Variants in SLIT2 observed in about 807,000 individuals in gnomAD.
SLIT2 encodes slit guidance ligand 2, also known as slit homolog 2 protein.
A neutral mutation model predicts 185.7 loss-of-function variants in SLIT2; 41 were observed. That is an observed-to-expected ratio of 0.22 (90% CI 0.17 to 0.29). The LOEUF is 0.29. Ranked by LOEUF, SLIT2 falls within the 10% of genes least tolerant of loss-of-function variation. SLIT2 has a pLI of 1.00. For missense variants in SLIT2, 1,571 were observed against 1,909.0 expected, an observed-to-expected ratio of 0.82 and a Z score of 3.30; for synonymous variants, 693 against 680.2, an observed-to-expected ratio of 1.02 and a Z score of -0.29.
intron 34 of SLIT2, among the ~76,000 whole-genome samples, chr4:20,611,612 C>T (rs1729228019): frequency 6.6e-6 from 1 of 152,162 alleles, no homozygotes; most frequent in African/African-American, 2.4e-5. Context: ...CCAAATCTTC[C>T]ATTCTTGCCA....
At chr4:20,490,493 C>T (rs7694371) in intron 8 of SLIT2, among the ~76,000 whole-genome samples, 36,400 of 151,820 alleles carry the variant, frequency 0.24, 5,140 homozygotes, top group African/African-American at 0.4. Context: ...GCTTCAGCTT[C>T]AGAAGTATCT....
chr4:20,291,484 ATATATATATTTTTTTTTTTTTTTTTTT>A (rs1231960218), intron 4 of SLIT2, among the ~76,000 whole-genome samples: 175 of 10,440 alleles, frequency 0.017, no homozygotes, highest in Middle Eastern at 0.071. Context: ...ATATATATAT[ATATATATATTTTTTTTTTTTTTTTTTT>A]TTTTTTTTTT....
At chr4:20,573,210 C>T (rs1402290042) in intron 29 of SLIT2, 1 of 702,910 alleles carries the variant, frequency 1.4e-6, no homozygotes, top group Non-Finnish European at 2.6e-6. Context: ...AGTCTTTTGT[C>T]TCTTCTGTCT....
At chr4:20,513,859 G>A (rs141079555) in intron 11 of SLIT2, among the ~76,000 whole-genome samples, 2 of 152,194 alleles carry the variant, frequency 1.3e-5, no homozygotes, top group East Asian at 1.9e-4. Context: ...CAGAGGGAAC[G>A]GTTAAGTACT....
chr4:20,300,445 T>G (rs947567772), intron 4 of SLIT2, among the ~76,000 whole-genome samples: 1 of 152,174 alleles, frequency 6.6e-6, no homozygotes, highest in Non-Finnish European at 1.5e-5. Flanking sequence ...AACATTCATT[T>G]GTTTTCATAG....
At chr4:20,588,501 T>G (rs6813991) in intron 29 of SLIT2, among the ~76,000 whole-genome samples, 6,498 of 152,272 alleles carry the variant, frequency 0.043, 210 homozygotes, top group East Asian at 0.14. Flanking sequence ...TTCCTGGAAA[T>G]GAACAGCTGC....
chr4:20,273,330 C>A (rs1263593606), intron 4 of SLIT2, among the ~76,000 whole-genome samples: 1 of 151,782 alleles, frequency 6.6e-6, no homozygotes, highest in Non-Finnish European at 1.5e-5. Flanking sequence ...TTATACTTAT[C>A]AATTATTATC....
intron 28 of SLIT2, among the ~76,000 whole-genome samples, chr4:20,568,183 A>G (rs931725120): frequency 5.9e-5 from 9 of 152,138 alleles, no homozygotes; most frequent in African/African-American, 2.2e-4. Context: ...ATAATGTCAC[A>G]TAAGAATGCT....
chr4:20,355,532 A>T (rs960199044), intron 4 of SLIT2, among the ~76,000 whole-genome samples: 1 of 152,176 alleles, frequency 6.6e-6, no homozygotes, highest in African/African-American at 2.4e-5. Context: ...AGATTTTTTT[A>T]AAAAAGACAT....
intron 4 of SLIT2, among the ~76,000 whole-genome samples, chr4:20,362,744 T>C (rs1722839091): frequency 6.6e-6 from 1 of 152,018 alleles, no homozygotes. Context: ...TGGATTTTTC[T>C]TGAAGGTTAT....
chr4:20,567,219 C>G (rs763364266), intron 26 of SLIT2, 43 bp from the exon 27 acceptor site: 1 of 1,557,826 alleles, frequency 6.4e-7, no homozygotes, highest in African/African-American at 1.4e-5. Flanking sequence ...TAAAAGTAAA[C>G]TGGAAGAGCG....
Position 20,381,783 on chromosome 4 carries a change from A to T in SLIT2, c.396-85969A>T, listed in dbSNP as rs187527031. ...AAAGTATAATGTCAAGTCTACACAG[A>T]TTTTTTTAGAAAATAGAAAAGGAGA... is the stretch of plus-strand genomic sequence containing the variant. On this transcript the variant is annotated intron_variant, in intron 4 of 36. Coordinates refer to ENST00000504154, the MANE Select transcript of SLIT2 (RefSeq NM_004787.4). Among the ~76,000 whole-genome samples the T allele has an allele frequency of 4.9e-3, 742 of 152,208 alleles. 15 individuals carry two copies. Among genetic ancestry groups the T allele is most frequent in the Non-Finnish European group, 3.6e-3 (248 of 67,990 alleles).
In SLIT2 at chr4:20,446,604, A is replaced by G. The variant is rs537155966; in HGVS notation, c.396-21148A>G. Among the ~76,000 whole-genome samples, 87 of 152,336 alleles carry G rather than the reference A, an allele frequency of 5.7e-4. 1 individual carries two copies. The highest frequency in any genetic ancestry group is 9.8e-4 in the Non-Finnish European group (67 of 68,038). On this transcript the variant is annotated intron_variant, in intron 4 of 36. Coordinates refer to ENST00000504154, the MANE Select transcript of SLIT2 (RefSeq NM_004787.4). Reference sequence around the variant, plus strand: ...AGTGTTTAAAAGCACAGGCTTGGCAATTTCAAAATTGCAAATTAAGGAGAA... The same window carrying G: ...AGTGTTTAAAAGCACAGGCTTGGCAGTTTCAAAATTGCAAATTAAGGAGAA...
At chr4:20,281,668 C>T (rs909422085) in intron 4 of SLIT2, among the ~76,000 whole-genome samples, 1 of 152,118 alleles carries the variant, frequency 6.6e-6, no homozygotes, top group African/African-American at 2.4e-5. Flanking sequence ...CTGGATTCTT[C>T]TTTTATTACA....
At chr4:20,386,388 G>T (rs531385682) in intron 4 of SLIT2, among the ~76,000 whole-genome samples, 2 of 152,154 alleles carry the variant, frequency 1.3e-5, no homozygotes, top group East Asian at 3.9e-4. Flanking sequence ...TTAATAACGG[G>T]TTGTGTTTGT....
At chr4:20,297,640 AGTT>A (rs1363193654) in intron 4 of SLIT2, among the ~76,000 whole-genome samples, 2 of 152,168 alleles carry the variant, frequency 1.3e-5, no homozygotes, top group Admixed American at 1.3e-4. Flanking sequence ...GTGAAATTTA[AGTT>A]GTTAAGAGAT....
intron 4 of SLIT2, among the ~76,000 whole-genome samples, chr4:20,311,447 C>T (rs1411388962): frequency 6.6e-6 from 1 of 152,004 alleles, no homozygotes; most frequent in Non-Finnish European, 1.5e-5. Flanking sequence ...ATCACATAAT[C>T]GATGTAACAA....
chr4:20,433,871 G>T (rs1254918943), intron 4 of SLIT2, among the ~76,000 whole-genome samples: 1 of 152,090 alleles, frequency 6.6e-6, no homozygotes, highest in Non-Finnish European at 1.5e-5. Flanking sequence ...CGTTTAGAGG[G>T]TCAAGTTCCC....
chr4:20,472,250 A>ATATCTATATATATC (rs1553908244), intron 5 of SLIT2, among the ~76,000 whole-genome samples: 1 of 43,952 alleles, frequency 2.3e-5, no homozygotes, highest in Admixed American at 3.6e-4. Flanking sequence ...ATATATCTAT[A>ATATCTATATATATC]TATAGATCTA....
Sources: allele counts gnomAD v4.1 joint callset (sites outside exome capture counted in the v4.1 genomes callset), GRCh38; gene constraint gnomAD v4.1.1; transcripts MANE v1.5; gene names NCBI Gene and HGNC (gene_info 2026-07-23, HGNC 2026-07-21).